Variants in NUP133 observed in about 807,000 individuals in gnomAD.
NUP133 encodes the protein nucleoporin 133.
NUP133 carries 66 observed loss-of-function variants against 146.2 expected under a neutral mutation model. The ratio of observed to expected loss-of-function variants is 0.45; its 90% CI spans 0.37 to 0.55. The LOEUF is 0.55. Among genes scored for constraint, NUP133 ranks in the 20% least tolerant of loss-of-function variants. The probability of loss-of-function intolerance (pLI) is 0.00; values close to 1 mark genes in which losing one functional copy is unlikely to be tolerated. For missense variants in NUP133, 1,277 were observed against 1,374.8 expected (o/e 0.93, Z 1.12); for synonymous variants, 521 against 498.8 (o/e 1.04, Z -0.59).
chr1:229,453,251 A>T (rs1660495979), intron 21 of NUP133, among the ~76,000 whole-genome samples: 1 of 152,126 alleles, frequency 6.6e-6, no homozygotes, highest in African/African-American at 2.4e-5. Context: ...AGCTTCACAA[A>T]TTTCCATTTT....
rs1427484834 is a variant in NUP133, at chr1:229,441,073, T to C, written c.*831A>G. ...ACTGGTCAGGACAAAGCTCTGAGAGTACAGTACCTTTCAGTCACATCAATT... is the reference window on the plus strand; with the variant it reads ...ACTGGTCAGGACAAAGCTCTGAGAGCACAGTACCTTTCAGTCACATCAATT... On this transcript the variant is annotated 3_prime_UTR_variant, in exon 26 of 26. Transcript: ENST00000261396. The C allele has an allele frequency of 4.2e-6, 1 of 236,320 alleles. No homozygotes were observed. The highest frequency in any genetic ancestry group is 8.6e-6 in the Non-Finnish European group (1 of 116,658). 14.6% of individuals were successfully genotyped at this position (236,320 alleles called of 1,614,324 possible).
chr1:229,454,278 G>A (rs1324962371), intron 21 of NUP133, among the ~76,000 whole-genome samples: 2 of 152,184 alleles, frequency 1.3e-5, no homozygotes, highest in African/African-American at 4.8e-5. Context: ...TGAGTTGCAG[G>A]AAAGGGTGAA....
At chr1:229,507,940 A>AT in intron 1 of NUP133, 128 bp downstream of exon 1, 1 of 1,268,460 alleles carries the variant, frequency 7.9e-7, no homozygotes, top group Non-Finnish European at 1.0e-6. Flanking sequence ...GAAAAGGTCT[A>AT]TTTTCCAATA....
rs1338312940 is a variant in NUP133 at position 229,452,652 on chromosome 1, C to A, written c.2981-9G>T. 3.1e-6 allele frequency: 5 copies of A among 1,589,222 alleles called. No individual in the cohort carries two copies. Among genetic ancestry groups the A allele is most frequent in the Non-Finnish European group, 4.3e-6 (5 of 1,161,266 alleles). ...CTCCTGCTCAGCCATTTCTAGTATT[C>A]AAGATGAGAGGGAGGGAAAGAGAAT... On this transcript the variant is annotated splice_polypyrimidine_tract_variant and intron_variant, in intron 21 of 25. Transcript: ENST00000261396.
At chr1:229,458,394 G>C in intron 20 of NUP133, 98 bp from the exon 21 acceptor site, 1 of 1,191,846 alleles carries the variant, frequency 8.4e-7, no homozygotes, top group Non-Finnish European at 1.2e-6. Context: ...CCCCTAAGCC[G>C]TATCAATGAA....
intron 4 of NUP133, 140 bp downstream of exon 4, chr1:229,500,616 T>C: frequency 1.8e-6 from 1 of 559,332 alleles, no homozygotes; most frequent in Non-Finnish European, 3.2e-6. Flanking sequence ...CCTATGTGTG[T>C]AGCTCTCTTT....
rs1660472742 is a variant in NUP133 at position 229,452,457 on chromosome 1, ATGGCCCAACAAACACCAAAAAGGTTT to A, written c.3099+42_3099+67del. ...TAACTCCTCTTAGGAACTATACTAC[ATGGCCCAACAAACACCAAAAAGGTTT>A]TGAGTTTAAGAAATAGCGTTAAGGA... On this transcript the variant is annotated intron_variant, in intron 22 of 25. Coordinates refer to ENST00000261396, the MANE Select transcript of NUP133 (RefSeq NM_018230.3). 9 of 1,214,758 alleles carry A rather than the reference ATGGCCCAACAAACACCAAAAAGGTTT, an allele frequency of 7.4e-6. No homozygotes were observed. In the South Asian group the frequency reaches 1.3e-4, roughly 17 times the overall value. 75.2% of individuals were successfully genotyped at this position (1,214,758 alleles called of 1,614,324 possible). A position where few individuals can be genotyped will look rare whatever the true frequency, so the allele number is the denominator to read the frequency against.
At chr1:229,484,406 C>T (rs1018168454) in intron 11 of NUP133, among the ~76,000 whole-genome samples, 7 of 151,980 alleles carry the variant, frequency 4.6e-5, no homozygotes, top group Non-Finnish European at 1.0e-4. Flanking sequence ...AGCAAGTTTA[C>T]GAATTTGTGT....
At chr1:229,475,766 G>C in intron 13 of NUP133, 34 bp from the exon 14 acceptor site, 1 of 1,519,996 alleles carries the variant, frequency 6.6e-7, no homozygotes, top group Non-Finnish European at 9.1e-7. Context: ...TTAGAACATA[G>C]TGGTTTTACA....
At position 229,487,544 on chromosome 1, in the gene NUP133, C is replaced by T. The variant is rs768799841; in HGVS notation, c.1264G>A (p.Glu422Lys). 1.1e-5 allele frequency: 17 copies of T among 1,613,518 alleles called. No homozygotes were observed. The highest frequency in any genetic ancestry group is 5.0e-5 in the Admixed American group (3 of 59,934). ...GTGGAGCACACATAGACAGCACTTT[C>T]GTTATACAGATAGGCAGTCTGGTTT... ...FSNQTAYLYNESAVYVCSTGT... is the reference protein window; with the variant it reads ...FSNQTAYLYNKSAVYVCSTGT... The change falls in exon 10 of 26, where the codon GAA becomes AAA. Residue 422 changes from glutamate (E) to lysine (K), a missense_variant. By Grantham distance (56) the Glu-to-Lys change is moderately conservative. This residue lies in a region of NUP133 where 952 missense variants were observed against 1,047.0 expected (regional missense o/e 0.91). Transcript: ENST00000261396.
intron 22 of NUP133, among the ~76,000 whole-genome samples, chr1:229,451,655 T>G (rs1276587433): frequency 1.3e-5 from 2 of 152,204 alleles, no homozygotes; most frequent in Non-Finnish European, 2.9e-5. Flanking sequence ...AAATTGTATG[T>G]GTAATCCTTT....
rs1661286686 is a variant in NUP133 at position 229,484,073 on chromosome 1, C to T, written c.1573G>A (p.Ala525Thr). The T allele has an allele frequency of 6.2e-7, 1 of 1,611,030 alleles. No homozygotes were observed. The change falls in exon 12 of 26, where the codon GCC becomes ACC. Residue 525 changes from alanine (A) to threonine (T), a missense_variant. Coordinates refer to ENST00000261396, the MANE Select transcript of NUP133 (RefSeq NM_018230.3). ...QEDKIKLLKA[A>T]FLQYCRKDLG... ...TTATACCTGCAGTATTGCAGAAAGG[C>T]AGCTTTCAGCAACTTGATTTTATCT...
chr1:229,502,751 G>C (rs1041562800), intron 2 of NUP133, among the ~76,000 whole-genome samples: 96 of 150,886 alleles, frequency 6.4e-4, no homozygotes, highest in African/African-American at 2.3e-3. Context: ...CACCCTGGGA[G>C]GACTGCTTGA....
chr1:229,500,027 T>C (rs1661758062), intron 4 of NUP133, among the ~76,000 whole-genome samples: 1 of 152,222 alleles, frequency 6.6e-6, no homozygotes, highest in African/African-American at 2.4e-5. Flanking sequence ...CATCCTTATA[T>C]CCTCACTAAG....
chr1:229,471,204 C>G (rs1660948091), intron 14 of NUP133, among the ~76,000 whole-genome samples: 1 of 152,098 alleles, frequency 6.6e-6, no homozygotes, highest in South Asian at 2.1e-4. Context: ...TCACCCTAAC[C>G]TTAAACCCTC....
chr1:229,497,130 G>A (rs1429141350), intron 6 of NUP133, among the ~76,000 whole-genome samples: 3 of 152,180 alleles, frequency 2.0e-5, no homozygotes, highest in Non-Finnish European at 4.4e-5. Flanking sequence ...AAACTGAGCA[G>A]GTACCAGGAG....
intron 22 of NUP133, 147 bp from the exon 23 acceptor site, chr1:229,450,752 G>A: frequency 2.4e-6 from 1 of 411,184 alleles, no homozygotes. Context: ...TTGAGACAAA[G>A]TCTTGCTCTG....
chr1:229,452,652 C>T lies in NUP133; in HGVS notation c.2981-9G>A. On this transcript the variant is annotated splice_polypyrimidine_tract_variant and intron_variant, in intron 21 of 25. Transcript: ENST00000261396. ...CTCCTGCTCAGCCATTTCTAGTATT[C>T]AAGATGAGAGGGAGGGAAAGAGAAT... The T allele has an allele frequency of 2.5e-6, 4 of 1,589,338 alleles. No individual in the cohort carries two copies. The highest frequency in any genetic ancestry group is 2.6e-6 in the Non-Finnish European group (3 of 1,161,258).
At chr1:229,468,799 C>A (rs1248037622) in intron 15 of NUP133, among the ~76,000 whole-genome samples, 1 of 152,138 alleles carries the variant, frequency 6.6e-6, no homozygotes, top group Admixed American at 6.5e-5. Flanking sequence ...AAAATGACAA[C>A]AACTTGATTT....
Sources: gnomAD v4.1 joint callset for allele counts (sites outside exome capture counted in the v4.1 genomes callset) on GRCh38, gnomAD v4.1.1 for gene constraint, gnomAD v4.1.1 regional missense constraint, MANE v1.5 for transcripts, NCBI Gene and HGNC (gene_info 2026-07-23, HGNC 2026-07-21) for gene names.